Variants in CHD2 observed in about 807,000 individuals in gnomAD.
CHD2 encodes the protein ATP-dependent chromatin remodeler CHD2.
CHD2 carries 28 observed loss-of-function variants against 243.9 expected under a neutral mutation model. The ratio of observed to expected loss-of-function variants is 0.11; its 90% CI spans 0.09 to 0.16. The LOEUF (loss-of-function observed/expected upper bound fraction) is 0.16. Ranked by LOEUF, CHD2 falls within the 10% of genes least tolerant of loss-of-function variation. The probability of loss-of-function intolerance (pLI) is 1.00; values close to 1 mark genes in which losing one functional copy is unlikely to be tolerated. For missense variants in CHD2, 1,386 were observed against 2,209.8 expected, an observed-to-expected ratio of 0.63 and a Z score of 7.47; for synonymous variants, 775 against 779.0, an observed-to-expected ratio of 0.99 and a Z score of 0.09.
intron 37 of CHD2, among the ~76,000 whole-genome samples, chr15:93,017,703 G>C (rs1213714110): frequency 6.6e-6 from 1 of 151,822 alleles, no homozygotes; most frequent in African/African-American, 2.4e-5. Context: ...ATGTAATTCT[G>C]CTACAAGCTA....
rs374064833 is a variant in CHD2 at position 92,939,620 on chromosome 15, G to C, written c.594G>C (p.Gln198His). ...KPRVKKQPKT[Q>H]RGKRKKQDSS... ...GTGTTAAAAAGCAGCCGAAGACTCA[G>C]CGTGGAAAGAGAAAAAAGCAAGATT... The change falls in exon 7 of 39, where the codon CAG becomes CAC. Residue 198 changes from glutamine to histidine, a missense_variant. Gln to His is a conservative substitution (Grantham distance 24). Coordinates refer to ENST00000394196, the MANE Select transcript of CHD2 (RefSeq NM_001271.4). The C allele has an allele frequency of 2.6e-5, 42 of 1,614,184 alleles. No homozygotes were observed. The East Asian group carries it at 3.3e-4, about 13-fold the overall frequency.
intron 2 of CHD2, among the ~76,000 whole-genome samples, chr15:92,907,118 TAAAG>T (rs1386908575): frequency 6.6e-6 from 1 of 152,198 alleles, no homozygotes; most frequent in African/African-American, 2.4e-5. Context: ...CTTTAATTGA[TAAAG>T]CAAGTCTAGG....
In CHD2 at chr15:92,937,619, C is replaced by G; in HGVS notation, c.545C>G (p.Pro182Arg). 1 of 1,611,412 alleles carries G rather than the reference C, an allele frequency of 6.2e-7. No homozygotes were observed. Among genetic ancestry groups the G allele is most frequent in the Non-Finnish European group, 8.5e-7 (1 of 1,178,130 alleles). The change falls in exon 6 of 39, where the codon CCC (proline) becomes CGC (arginine). Residue 182 changes from proline (P) to arginine (R), a missense_variant. Transcript: ENST00000394196. ...QKKVKARRPV[P>R]RRTVPKPRVK... ...AAAGTAAAAGCCAGAAGACCTGTCC[C>G]CAGAAGGTGCACTGTTTGCTTAAGA... is the stretch of plus-strand genomic sequence containing the variant.
chr15:92,923,695 A>G (rs923864882), intron 2 of CHD2, among the ~76,000 whole-genome samples: 2 of 151,074 alleles, frequency 1.3e-5, no homozygotes, highest in Admixed American at 1.3e-4. Context: ...TCTCCCGAGT[A>G]GCTTAGACTG....
At chr15:92,905,812 TTAAG>T (rs754787692) in intron 2 of CHD2, among the ~76,000 whole-genome samples, 1 of 152,242 alleles carries the variant, frequency 6.6e-6, no homozygotes, top group Non-Finnish European at 1.5e-5. Flanking sequence ...TAACAGAGAA[TTAAG>T]TGTTTATAGA....
Position 92,944,445 on chromosome 15 carries a change from A to C in CHD2, c.1083A>C (p.Glu361Asp). The change falls in exon 10 of 39, where the codon GAA becomes GAC. Residue 361 changes from glutamate to aspartate, a missense_variant. Glu to Asp is a conservative substitution (Grantham distance 45, BLOSUM62 2). Transcript: ENST00000394196. Reference sequence around the variant, plus strand: ...GGAAAGTTTCTCCTGAAGATGTAGAATATTTCAATTGCCAACAGGAGCTGG... The same window carrying C: ...GGAAAGTTTCTCCTGAAGATGTAGACTATTTCAATTGCCAACAGGAGCTGG... ...WLGKVSPEDV[E>D]YFNCQQELAS... 6.2e-7 allele frequency: 1 copy of C among 1,610,592 alleles called. No individual in the cohort carries two copies. The highest frequency in any genetic ancestry group is 8.5e-7 in the Non-Finnish European group (1 of 1,177,468).
chr15:92,981,487 C>T (rs2053979601), intron 24 of CHD2, 30 bp downstream of exon 24: 2 of 1,539,150 alleles, frequency 1.3e-6, no homozygotes, highest in African/African-American at 2.7e-5. Flanking sequence ...AGAGAGTTCT[C>T]AGCATTGATT....
At chr15:92,906,102 C>A (rs1427563055) in intron 2 of CHD2, among the ~76,000 whole-genome samples, 1 of 152,146 alleles carries the variant, frequency 6.6e-6, no homozygotes, top group Non-Finnish European at 1.5e-5. Context: ...TAACAATTTA[C>A]CTATTAACTG....
Position 93,014,717 on chromosome 15 carries a change from G to A in CHD2, c.4714G>A (p.Val1572Met), listed in dbSNP as rs755267457. 1.1e-5 allele frequency: 17 copies of A among 1,614,062 alleles called. No homozygotes were observed. Among genetic ancestry groups the A allele is most frequent in the East Asian group, 2.2e-5 (1 of 44,880 alleles). The change falls in exon 37 of 39, where the codon GTG (valine) becomes ATG (methionine). Residue 1572 changes from valine to methionine, a missense_variant. Transcript: ENST00000394196. The part of the protein sequence containing the change: ...EEEEQKKKDD[V>M]TGGKKPFRPE... ...TTAGGAGCAAAAGAAGAAAGACGAC[G>A]TGACTGGGGGTAAGAAACCATTTCG...
chr15:92,963,980 G>A, intron 16 of CHD2, among the ~76,000 whole-genome samples: 1 of 152,206 alleles, frequency 6.6e-6, no homozygotes, highest in East Asian at 1.9e-4. Context: ...CTGCTGAAGT[G>A]GATGGTAGGG....
rs1376806899 is a variant in CHD2 at position 92,900,442 on chromosome 15, C to T, written c.-454C>T. On this transcript the variant is annotated 5_prime_UTR_variant, in exon 1 of 39. Transcript: ENST00000394196. The stretch of plus-strand genomic sequence containing the variant: ...CTTTCGGGCAGCCTCAGGGGGCCCC[C>T]GTAGCCCCCTGCCTTTCCTAGGGAC... The T allele has an allele frequency of 2.5e-5, 10 of 396,912 alleles. No individual in the cohort carries two copies. The highest frequency in any genetic ancestry group is 1.3e-4 in the South Asian group (1 of 7,420). The allele number at this position is 396,912 out of a possible 1,614,324, so 24.6% of individuals were successfully genotyped here.
At chr15:92,947,970 T>G (rs1567137840) in intron 12 of CHD2, among the ~76,000 whole-genome samples, 1 of 152,198 alleles carries the variant, frequency 6.6e-6, no homozygotes, top group Non-Finnish European at 1.5e-5. Flanking sequence ...CCTGAATGAA[T>G]TTCTCCTGTA....
intron 25 of CHD2, among the ~76,000 whole-genome samples, chr15:92,984,823 A>G (rs78835543): frequency 0.016 from 2,495 of 152,330 alleles, 64 homozygotes; most frequent in African/African-American, 0.053. Flanking sequence ...TTCAACTTTC[A>G]GAAAGTCACA....
At chr15:92,914,451 AAT>A (rs1360661079) in intron 2 of CHD2, among the ~76,000 whole-genome samples, 2 of 152,224 alleles carry the variant, frequency 1.3e-5, no homozygotes, top group Non-Finnish European at 2.9e-5. Flanking sequence ...CCTGGGTGCT[AAT>A]AGTTTGGTGC....
At chr15:92,931,957 G>T (rs1261205660) in intron 5 of CHD2, among the ~76,000 whole-genome samples, 1 of 151,152 alleles carries the variant, frequency 6.6e-6, no homozygotes, top group African/African-American at 2.4e-5. Flanking sequence ...CCGCCTCCGG[G>T]GTTCAAGCAA....
At chr15:92,951,359 C>T (rs547958066) in intron 13 of CHD2, among the ~76,000 whole-genome samples, 85 of 152,036 alleles carry the variant, frequency 5.6e-4, no homozygotes, top group African/African-American at 1.9e-3. Flanking sequence ...TTAGTAGAGA[C>T]GGGGTTTCAC....
intron 28 of CHD2, among the ~76,000 whole-genome samples, chr15:92,996,309 A>T (rs191778105): frequency 6.6e-6 from 1 of 151,530 alleles, no homozygotes; most frequent in Non-Finnish European, 1.5e-5. Flanking sequence ...ACAGGCGCCC[A>T]CCACCACACC....
intron 13 of CHD2, among the ~76,000 whole-genome samples, chr15:92,949,664 G>C (rs1333287575): frequency 1.3e-5 from 2 of 152,166 alleles, no homozygotes; most frequent in Non-Finnish European, 2.9e-5. Context: ...GAGGTTTAAA[G>C]GTACTTTTGG....
intron 16 of CHD2, 107 bp from the exon 17 acceptor site, chr15:92,967,218 A>C (rs1182119263): frequency 6.5e-6 from 5 of 768,662 alleles, no homozygotes; most frequent in Non-Finnish European, 1.0e-5. Flanking sequence ...AGCTCTAGTG[A>C]TTGATAATGT....
Sources: gnomAD v4.1 joint callset for allele counts (sites outside exome capture counted in the v4.1 genomes callset) on GRCh38, gnomAD v4.1.1 for gene constraint, MANE v1.5 for transcripts, NCBI Gene and HGNC (gene_info 2026-07-23, HGNC 2026-07-21) for gene names.